Variants in CDH13 observed in about 807,000 individuals in gnomAD.
CDH13 encodes the protein cadherin-13.
In CDH13, 24 loss-of-function variants were observed where a neutral mutation model predicts 63.8. The observed-to-expected ratio is 0.38, with a 90% CI of 0.27 to 0.53. CDH13 has a LOEUF of 0.53. Ranked by LOEUF, CDH13 falls within the 20% of genes least tolerant of loss-of-function variation. CDH13 has a pLI of 0.85. For missense variants in CDH13, 1,049 were observed against 903.1 expected, an observed-to-expected ratio of 1.16 and a Z score of -2.07; for synonymous variants, 503 against 355.3, an observed-to-expected ratio of 1.42 and a Z score of -4.67.
In CDH13 at chr16:83,798,477, C is replaced by T. The variant is rs921338754; in HGVS notation, c.*3447C>T. The T allele has an allele frequency of 5.9e-5, 9 of 152,204 alleles. No individual in the cohort carries two copies. The highest frequency in any genetic ancestry group is 1.4e-4 in the African/African-American group (6 of 41,448). 9.4% of individuals were successfully genotyped at this position (152,204 alleles called of 1,614,324 possible). On this transcript the variant is annotated 3_prime_UTR_variant, in exon 14 of 14. Transcript: ENST00000567109. ...CTTACAGATAGTAACTCATTAATCC[C>T]TCCAGTAACATATGAGACAAGCACT...
intron 1 of CDH13, among the ~76,000 whole-genome samples, chr16:82,638,963 C>T (rs1175905067): frequency 3.9e-5 from 6 of 152,238 alleles, no homozygotes; most frequent in African/African-American, 9.6e-5. Flanking sequence ...CCCTTAGAGG[C>T]GACTCTTATT....
At chr16:83,470,004 G>C (rs74399168) in intron 6 of CDH13, among the ~76,000 whole-genome samples, 1 of 152,118 alleles carries the variant, frequency 6.6e-6, no homozygotes, top group Non-Finnish European at 1.5e-5. Context: ...TTACTTGGCC[G>C]TAGTCTCTGG....
chr16:82,754,852 G>A (rs1425291944), intron 1 of CDH13, among the ~76,000 whole-genome samples: 1 of 152,184 alleles, frequency 6.6e-6, no homozygotes, highest in African/African-American at 2.4e-5. Flanking sequence ...GTCACAGTCA[G>A]TGGGTACTTC....
intron 3 of CDH13, among the ~76,000 whole-genome samples, chr16:83,041,416 G>A (rs1385105970): frequency 6.6e-6 from 1 of 151,964 alleles, no homozygotes; most frequent in African/African-American, 2.4e-5. Context: ...AATAAAAGGA[G>A]CAATCAGTAG....
chr16:83,377,058 C>G (rs949593690), intron 6 of CDH13, among the ~76,000 whole-genome samples: 4 of 152,100 alleles, frequency 2.6e-5, no homozygotes, highest in Admixed American at 6.6e-5. Context: ...GGAGCTATAT[C>G]AGAATTAGAC....
chr16:83,208,339 C>G (rs902840077), intron 4 of CDH13, among the ~76,000 whole-genome samples: 2 of 152,164 alleles, frequency 1.3e-5, no homozygotes, highest in Admixed American at 1.3e-4. Context: ...ATGGCTGTGT[C>G]TTCAATTTCA....
At chr16:83,172,968 C>A (rs117541983) in intron 4 of CDH13, among the ~76,000 whole-genome samples, 1 of 152,090 alleles carries the variant, frequency 6.6e-6, no homozygotes, top group African/African-American at 2.4e-5. Context: ...CCCACCCCAC[C>A]TTAGTCTACC....
At chr16:83,472,756 G>A (rs2073489400) in intron 6 of CDH13, among the ~76,000 whole-genome samples, 1 of 152,206 alleles carries the variant, frequency 6.6e-6, no homozygotes, top group Non-Finnish European at 1.5e-5. Context: ...CATACAGAGT[G>A]TGCCAGAAGC....
intron 3 of CDH13, among the ~76,000 whole-genome samples, chr16:83,104,741 G>A (rs764983233): frequency 1.3e-5 from 2 of 152,140 alleles, no homozygotes; most frequent in South Asian, 2.1e-4. Context: ...AACAAAGGGG[G>A]CAATTGACTT....
intron 3 of CDH13, among the ~76,000 whole-genome samples, chr16:83,102,965 T>TTTTTTTTTTTTTC (rs2034570357): frequency 2.8e-5 from 3 of 107,832 alleles, no homozygotes; most frequent in Admixed American, 1.1e-4. Context: ...TTTTTTTTTT[T>TTTTTTTTTTTTTC]TTTTTGAGGT....
At chr16:82,931,505 G>T (rs1012979577) in intron 2 of CDH13, among the ~76,000 whole-genome samples, 3 of 134,108 alleles carry the variant, frequency 2.2e-5, no homozygotes, top group Admixed American at 2.2e-4. Flanking sequence ...GGACCTTGAG[G>T]TCCCCCCCTT....
chr16:83,101,929 T>C (rs2034497677), intron 3 of CDH13, among the ~76,000 whole-genome samples: 1 of 152,234 alleles, frequency 6.6e-6, no homozygotes, highest in Non-Finnish European at 1.5e-5. Flanking sequence ...ATTCTACTCC[T>C]TGGAACCTGT....
rs78793117 is a variant in CDH13, at chr16:83,668,962, T to A, written c.1102-1828T>A. 3.4e-3 allele frequency among the ~76,000 whole-genome samples: 514 copies of A among 152,316 alleles called. 7 individuals are homozygous for A. Among genetic ancestry groups the A allele is most frequent in the African/African-American group, 0.012 (495 of 41,572 alleles). ...CACCCATTCACAAGGGTAGGTCATG[T>A]CATTGACACCTGCCTGCCGTCCTTA... On this transcript the variant is annotated intron_variant, in intron 8 of 13. Coordinates refer to ENST00000567109, the MANE Select transcript of CDH13 (RefSeq NM_001257.5).
chr16:82,779,841 G>A (rs1256635982), intron 1 of CDH13, among the ~76,000 whole-genome samples: 2 of 145,800 alleles, frequency 1.4e-5, no homozygotes, highest in South Asian at 2.4e-4. Flanking sequence ...GGAAAGGTGG[G>A]AGGTCATGGC....
intron 2 of CDH13, among the ~76,000 whole-genome samples, chr16:82,915,780 A>G (rs2041968367): frequency 1.3e-5 from 2 of 151,058 alleles, no homozygotes; most frequent in Non-Finnish European, 2.9e-5. Flanking sequence ...CTCATCTCAT[A>G]TCAGAGACTT....
intron 2 of CDH13, among the ~76,000 whole-genome samples, chr16:83,015,724 A>ATATATAGAGAGAGAGAG (rs1555562946): frequency 2.0e-5 from 1 of 49,096 alleles, no homozygotes; most frequent in African/African-American, 6.1e-5. Context: ...TATATATATA[A>ATATATAGAGAGAGAGAG]AGAAAAAGCA....
chr16:83,119,468 C>G (rs549848448), intron 3 of CDH13, among the ~76,000 whole-genome samples: 2 of 152,314 alleles, frequency 1.3e-5, no homozygotes, highest in African/African-American at 4.8e-5. Context: ...TTTTTAAAAG[C>G]CTTTGCCCAC....
intron 1 of CDH13, among the ~76,000 whole-genome samples, chr16:82,630,326 C>G (rs1427952126): frequency 6.6e-6 from 1 of 152,090 alleles, no homozygotes; most frequent in Admixed American, 6.5e-5. Context: ...GTTCACCTGT[C>G]TGAATATTTT....
chr16:83,495,959 G>A (rs1287156936), intron 7 of CDH13, among the ~76,000 whole-genome samples: 2 of 151,770 alleles, frequency 1.3e-5, no homozygotes, highest in Non-Finnish European at 2.9e-5. Flanking sequence ...CAAGGGATGT[G>A]AAGGACCTCT....
Sources: gnomAD v4.1 joint callset for allele counts (sites outside exome capture counted in the v4.1 genomes callset) on GRCh38, gnomAD v4.1.1 for gene constraint, MANE v1.5 for transcripts, NCBI Gene and HGNC (gene_info 2026-07-23, HGNC 2026-07-21) for gene names.